Variants in DPYSL2 observed in about 807,000 individuals in gnomAD.
DPYSL2 encodes dihydropyrimidinase-related protein 2.
In DPYSL2, 13 loss-of-function variants were observed where a neutral mutation model predicts 69.9. The ratio of observed to expected loss-of-function variants is 0.19; its 90% CI spans 0.12 to 0.30. The LOEUF is 0.30. Ranked by LOEUF, DPYSL2 falls within the 10% of genes least tolerant of loss-of-function variation. The pLI is 1.00. For missense variants in DPYSL2, 587 were observed against 918.9 expected, an observed-to-expected ratio of 0.64 and a Z score of 4.67; for synonymous variants, 326 against 359.1, an observed-to-expected ratio of 0.91 and a Z score of 1.04.
rs749850788 is a variant in DPYSL2 at position 26,650,635 on chromosome 8, G to A, written c.1597-1622G>A. 3.1e-4 allele frequency among the ~76,000 whole-genome samples: 47 copies of A among 152,334 alleles called. No homozygotes were observed. The highest frequency in any genetic ancestry group is 4.6e-4 in the Non-Finnish European group (31 of 68,030). On this transcript the variant is annotated intron_variant, in intron 11 of 13. Transcript: ENST00000521913. This position sits in a 1 kb window ranked among gnomAD's most constrained non-coding sequence, Gnocchi z 5.3. Reference sequence around the variant, plus strand: ...CATTAGGTTATGTACCACGATGAAAGAAAACATGCCCAAGACGAGGAGTCT... The same window carrying A: ...CATTAGGTTATGTACCACGATGAAAAAAAACATGCCCAAGACGAGGAGTCT...
At chr8:26,600,959 G>A (rs922064988) in intron 3 of DPYSL2, among the ~76,000 whole-genome samples, 1 of 152,198 alleles carries the variant, frequency 6.6e-6, no homozygotes, top group African/African-American at 2.4e-5. Flanking sequence ...CTTGGCAGAG[G>A]CCCTGTTAGC....
chr8:26,553,292 G>T (rs1800897677), intron 1 of DPYSL2, among the ~76,000 whole-genome samples: 1 of 151,982 alleles, frequency 6.6e-6, no homozygotes, highest in Non-Finnish European at 1.5e-5. Context: ...TTATGTCGTG[G>T]GGGGTTTGTT....
intron 3 of DPYSL2, among the ~76,000 whole-genome samples, chr8:26,608,754 A>G (rs1411510856): frequency 1.3e-5 from 2 of 152,244 alleles, no homozygotes; most frequent in African/African-American, 4.8e-5. Flanking sequence ...GCATGATGGT[A>G]CAATGGCCGT....
rs1001790056 is a variant in DPYSL2, at chr8:26,620,814, A to C, written c.629-3329A>C. Among the ~76,000 whole-genome samples, 4 of 152,208 alleles carry C rather than the reference A, an allele frequency of 2.6e-5. No individual in the cohort carries two copies. Among genetic ancestry groups the C allele is most frequent in the African/African-American group, 9.7e-5 (4 of 41,442 alleles). ...AGGAAATAGATATGTTAAACCTATC[A>C]GGCTTCCTTATTTACATTGGCTAGA... On this transcript the variant is annotated intron_variant, in intron 3 of 13. Coordinates refer to ENST00000521913, the MANE Select transcript of DPYSL2 (RefSeq NM_001197293.3). This position sits in a 1 kb window ranked among gnomAD's most constrained non-coding sequence, Gnocchi z 4.5.
intron 1 of DPYSL2, among the ~76,000 whole-genome samples, chr8:26,578,816 G>A (rs1039639523): frequency 2.0e-5 from 3 of 152,242 alleles, no homozygotes; most frequent in African/African-American, 4.8e-5. Flanking sequence ...CGTAATGACA[G>A]CAGAGGGATG....
At chr8:26,633,720 C>T (rs1046120885) in intron 7 of DPYSL2, among the ~76,000 whole-genome samples, 2 of 152,120 alleles carry the variant, frequency 1.3e-5, no homozygotes, top group African/African-American at 2.4e-5. Context: ...AGGTGATCCA[C>T]ACTCCTCAGC....
At chr8:26,555,052 C>A (rs897047070) in intron 1 of DPYSL2, among the ~76,000 whole-genome samples, 1 of 133,426 alleles carries the variant, frequency 7.5e-6, no homozygotes, top group Non-Finnish European at 1.6e-5. Context: ...GTAAAACTAT[C>A]GACAAAATTC....
Position 26,624,114 on chromosome 8 carries a change from G to A in DPYSL2, c.629-29G>A, listed in dbSNP as rs1214634587. The A allele has an allele frequency of 1.2e-6, 2 of 1,613,098 alleles. No homozygotes were observed. Among genetic ancestry groups the A allele is most frequent in the Non-Finnish European group, 1.7e-6 (2 of 1,179,424 alleles). ...GCCCACGGCCCTTGAGGCTCTTGGTGATGATGACATATGTCTGTTTCTTTC... is the reference window on the plus strand; with the variant it reads ...GCCCACGGCCCTTGAGGCTCTTGGTAATGATGACATATGTCTGTTTCTTTC... On this transcript the variant is annotated intron_variant, in intron 3 of 13. Coordinates refer to ENST00000521913, the MANE Select transcript of DPYSL2 (RefSeq NM_001197293.3). The surrounding 1 kb of genome is among the most constrained non-coding windows in gnomAD (Gnocchi z 4.7).
chr8:26,528,030 C>G (rs1167273583), intron 1 of DPYSL2, among the ~76,000 whole-genome samples: 2 of 152,104 alleles, frequency 1.3e-5, no homozygotes, highest in Non-Finnish European at 2.9e-5. Flanking sequence ...TATTGAACTC[C>G]TGGCCTCAAG....
At position 26,598,275 on chromosome 8, in the gene DPYSL2, A is replaced by G. The variant is rs547834291; in HGVS notation, c.628+14292A>G. Among the ~76,000 whole-genome samples, 3 of 152,240 alleles carry G rather than the reference A, an allele frequency of 2.0e-5. No individual in the cohort carries two copies. In the South Asian group the frequency reaches 6.2e-4, roughly 32 times the overall value. ...CAGCAGCCATCGCATTACATCATCT[A>G]CCTTTTCTTGTGTTCTTCTGTCGTC... On this transcript the variant is annotated intron_variant, in intron 3 of 13. Coordinates refer to ENST00000521913, the MANE Select transcript of DPYSL2 (RefSeq NM_001197293.3). The surrounding 1 kb of genome is among the most constrained non-coding windows in gnomAD (Gnocchi z 4.2).
intron 1 of DPYSL2, among the ~76,000 whole-genome samples, chr8:26,553,284 A>T (rs911998518): frequency 1.3e-5 from 2 of 152,086 alleles, no homozygotes; most frequent in Admixed American, 6.6e-5. Flanking sequence ...AGGTAAACTT[A>T]TGTCGTGGGG....
At chr8:26,639,483 C>G (rs967586357) in intron 8 of DPYSL2, among the ~76,000 whole-genome samples, 8 of 152,138 alleles carry the variant, frequency 5.3e-5, no homozygotes, top group African/African-American at 1.9e-4. Flanking sequence ...TGTAATTCAG[C>G]CACTGCCAGG....
intron 8 of DPYSL2, among the ~76,000 whole-genome samples, chr8:26,639,574 A>G (rs898572290): frequency 6.6e-6 from 1 of 152,200 alleles, no homozygotes; most frequent in Non-Finnish European, 1.5e-5. Context: ...CTTTTGATTC[A>G]TTCATGTGGT....
Position 26,643,441 on chromosome 8 carries a change from A to G in DPYSL2, c.1129A>G (p.Thr377Ala), listed in dbSNP as rs1406197337. The G allele has an allele frequency of 1.3e-6, 2 of 1,586,946 alleles. No homozygotes were observed. Among genetic ancestry groups the G allele is most frequent in the African/African-American group, 1.3e-5 (1 of 74,434 alleles). ...EVIAQARKKG[T>A]VVYGEPITAS... ...ACCTTGTGTGTTCTGTTTGTCAGGA[A>G]CTGTGGTGTATGGCGAGCCCATCAC... Residue 377 changes from threonine (T) to alanine (A), a missense_variant and splice_region_variant, in exon 9 of 14, where the codon ACT (threonine) becomes GCT (alanine). By Grantham distance (58) the Thr-to-Ala change is moderately conservative (BLOSUM62 0). This residue lies in a region of DPYSL2 where 452 missense variants were observed against 754.3 expected (regional missense o/e 0.60). Transcript: ENST00000521913. This position sits in a 1 kb window ranked among gnomAD's most constrained non-coding sequence, Gnocchi z 6.5.
In DPYSL2 at chr8:26,650,661, C is replaced by T. The variant is rs1017939496; in HGVS notation, c.1597-1596C>T. On this transcript the variant is annotated intron_variant, in intron 11 of 13. Transcript: ENST00000521913. The surrounding 1 kb of genome is among the most constrained non-coding windows in gnomAD (Gnocchi z 5.3). The stretch of plus-strand genomic sequence containing the variant: ...AAAACATGCCCAAGACGAGGAGTCT[C>T]ATAGGAGACTGGGCCACCAAGGGCC... 2.0e-5 allele frequency among the ~76,000 whole-genome samples: 3 copies of T among 152,208 alleles called. No individual in the cohort carries two copies. The highest frequency in any genetic ancestry group is 4.8e-5 in the African/African-American group (2 of 41,452).
chr8:26,546,738 T>A (rs1800774790), intron 1 of DPYSL2, among the ~76,000 whole-genome samples: 1 of 149,986 alleles, frequency 6.7e-6, no homozygotes, highest in Non-Finnish European at 1.5e-5. Flanking sequence ...GCTCACACGG[T>A]GAAACCTCGT....
chr8:26,580,998 G>A lies in DPYSL2; in HGVS notation c.355-971G>A, dbSNP rs982155628. 2.6e-5 allele frequency among the ~76,000 whole-genome samples: 4 copies of A among 152,164 alleles called. No homozygotes were observed. The highest frequency in any genetic ancestry group is 9.7e-5 in the African/African-American group (4 of 41,434). On this transcript the variant is annotated intron_variant, in intron 1 of 13. Transcript: ENST00000521913. The surrounding 1 kb of genome is among the most constrained non-coding windows in gnomAD (Gnocchi z 4.1). ...AAATATCACCGGTTAAAATATAAGT[G>A]CATCAGCAATCTGTAGTGCATTGCA...
chr8:26,635,007 C>A, intron 8 of DPYSL2, 107 bp downstream of exon 8: 1 of 1,485,490 alleles, frequency 6.7e-7, no homozygotes, highest in Non-Finnish European at 9.1e-7. Flanking sequence ...CCAAGTGGGC[C>A]ACTTGCACCA....
At chr8:26,549,447 A>G (rs1800837356) in intron 1 of DPYSL2, among the ~76,000 whole-genome samples, 1 of 152,132 alleles carries the variant, frequency 6.6e-6, no homozygotes, top group Non-Finnish European at 1.5e-5. Flanking sequence ...GATTTAATAT[A>G]TGTATAAAGG....
Sources: allele counts gnomAD v4.1 joint callset (sites outside exome capture counted in the v4.1 genomes callset), GRCh38; gene constraint gnomAD v4.1.1; regional missense constraint gnomAD v4.1.1; non-coding constraint Gnocchi (gnomAD v3.1); transcripts MANE v1.5; gene names NCBI Gene and HGNC (gene_info 2026-07-23, HGNC 2026-07-21).